The following SEC14L4 variants were observed in gnomAD, a reference collection of about 807,000 sequenced individuals.
The protein encoded by SEC14L4 is SEC14-like protein 4.
A neutral mutation model predicts 55.1 loss-of-function variants in SEC14L4; 42 were observed. The observed-to-expected ratio is 0.76, with a 90% CI of 0.60 to 0.99. SEC14L4 has a LOEUF of 0.99. Among genes scored for constraint, SEC14L4 ranks in the 50% least tolerant of loss-of-function variants. The probability of loss-of-function intolerance (pLI) is 0.00; values close to 1 mark genes in which losing one functional copy is unlikely to be tolerated. For missense variants in SEC14L4, 445 were observed against 512.1 expected, an observed-to-expected ratio of 0.87 and a Z score of 1.27; for synonymous variants, 206 against 206.8, an observed-to-expected ratio of 1.00 and a Z score of 0.03.
chr22:30,494,784 G>A (rs1936083378), intron 6 of SEC14L4, 82 bp downstream of exon 6: 1 of 917,418 alleles, frequency 1.1e-6, no homozygotes, highest in Non-Finnish European at 1.8e-6. Flanking sequence ...CTATCTCACT[G>A]GATTCTCACA....
At position 30,489,519 on chromosome 22, in the gene SEC14L4, C is replaced by T. The variant is rs1413035150; in HGVS notation, c.*588G>A. The T allele has an allele frequency of 1.5e-5, 6 of 394,884 alleles. No homozygotes were observed. The highest frequency in any genetic ancestry group is 6.9e-5 in the South Asian group (2 of 29,068). 24.5% of individuals were successfully genotyped at this position (394,884 alleles called of 1,614,324 possible). A position where few individuals can be genotyped will look rare whatever the true frequency, so the allele number is the denominator to read the frequency against. On this transcript the variant is annotated 3_prime_UTR_variant, in exon 12 of 12. Transcript: ENST00000255858. ...CCTCCCAAACTGCTGGGATTATAGG[C>T]GTGAGCCACCACGCCCAGTCCATTT...
chr22:30,503,919 C>T (rs572833460), intron 1 of SEC14L4, among the ~76,000 whole-genome samples, 167 bp from the exon 2 acceptor site: 1 of 152,124 alleles, frequency 6.6e-6, no homozygotes, highest in African/African-American at 2.4e-5. Context: ...CCCTCCAGCC[C>T]AACATAGGAA....
chr22:30,491,092 C>T (rs539331084), intron 11 of SEC14L4, among the ~76,000 whole-genome samples: 1 of 152,368 alleles, frequency 6.6e-6, no homozygotes, highest in South Asian at 2.1e-4. Context: ...CTTCTCCTAG[C>T]TCTGTTCCCA....
intron 11 of SEC14L4, 164 bp downstream of exon 11, chr22:30,491,409 C>A (rs1713662110): frequency 1.4e-6 from 1 of 724,302 alleles, no homozygotes. Flanking sequence ...TGAATCTCTG[C>A]CCTCATACCT....
chr22:30,503,741 G>T lies in SEC14L4; in HGVS notation c.66C>A (p.Asn22Lys). Residue 22 changes from asparagine to lysine, a missense_variant, in exon 2 of 12, where the codon AAC becomes AAA. Coordinates refer to ENST00000255858, the MANE Select transcript of SEC14L4 (RefSeq NM_174977.4). ...GCAGTATGGGCAGCAGGTCCTGGAG[G>T]TTCTCCCGGAACTGAGCGGAGGAGG... ...QQEALARFRE[N>K]LQDLLPILPN... The T allele has an allele frequency of 6.2e-7, 1 of 1,612,016 alleles. No individual in the cohort carries two copies. Among genetic ancestry groups the T allele is most frequent in the Non-Finnish European group, 8.5e-7 (1 of 1,178,694 alleles).
At position 30,492,576 on chromosome 22, in the gene SEC14L4, T is replaced by A; in HGVS notation, c.581-19A>T. On this transcript the variant is annotated intron_variant, in intron 7 of 11. Transcript: ENST00000255858. ...TTTGGGGCTGAAACACATGTAAATCTCTTGAGAAGCTGGACCAGAAAGGAC... is the reference window on the plus strand; with the variant it reads ...TTTGGGGCTGAAACACATGTAAATCACTTGAGAAGCTGGACCAGAAAGGAC... 1 of 1,600,946 alleles carries A rather than the reference T, an allele frequency of 6.2e-7. No individual in the cohort carries two copies. Among genetic ancestry groups the A allele is most frequent in the Non-Finnish European group, 8.6e-7 (1 of 1,167,900 alleles).
At position 30,490,170 on chromosome 22, in the gene SEC14L4, G is replaced by C; in HGVS notation, c.1158C>G (p.Pro386=). The C allele has an allele frequency of 3.1e-6, 5 of 1,614,126 alleles. No individual in the cohort carries two copies. The highest frequency in any genetic ancestry group is 4.2e-6 in the Non-Finnish European group (5 of 1,180,014). ...KLSYTVEVLL[P]DKASEETLQS... The stretch of plus-strand genomic sequence containing the variant: ...GCAGCGTCTCCTCAGAGGCCTTGTC[G>C]GGAAGCAGCACCTCCACAGTGTAGC... Residue 386 remains proline (P), a synonymous_variant, in exon 12 of 12, where the codon CCC becomes CCG. Coordinates refer to ENST00000255858, the MANE Select transcript of SEC14L4 (RefSeq NM_174977.4).
At position 30,494,980 on chromosome 22, in the gene SEC14L4, T is replaced by C; in HGVS notation, c.424-19A>G. On this transcript the variant is annotated intron_variant, in intron 5 of 11. Transcript: ENST00000255858. Reference sequence around the variant, plus strand: ...TGCCCAGCTGCTTGGGACAGAGTCATATAGGTCAGACGACAGCTCCAGCCA... The same window carrying C: ...TGCCCAGCTGCTTGGGACAGAGTCACATAGGTCAGACGACAGCTCCAGCCA... 1.2e-6 allele frequency: 2 copies of C among 1,607,094 alleles called. No individual in the cohort carries two copies. Among genetic ancestry groups the C allele is most frequent in the African/African-American group, 1.3e-5 (1 of 74,804 alleles).
chr22:30,505,660 C>G lies in SEC14L4; in HGVS notation c.-49G>C. The G allele has an allele frequency of 1.3e-6, 2 of 1,499,084 alleles. No homozygotes were observed. The highest frequency in any genetic ancestry group is 2.5e-5 in the South Asian group (2 of 79,558). 92.9% of individuals were successfully genotyped at this position (1,499,084 alleles called of 1,614,324 possible). A position where few individuals can be genotyped will look rare whatever the true frequency, so the allele number is the denominator to read the frequency against. Reference sequence around the variant, plus strand: ...TCAGGGCGCAGGTCCGCCCGCCCGCCGCCGCCTGGCCTTGTATCCGCTGCC... The same window carrying G: ...TCAGGGCGCAGGTCCGCCCGCCCGCGGCCGCCTGGCCTTGTATCCGCTGCC... On this transcript the variant is annotated 5_prime_UTR_variant, in exon 1 of 12. Coordinates refer to ENST00000255858, the MANE Select transcript of SEC14L4 (RefSeq NM_174977.4).
intron 7 of SEC14L4, 79 bp downstream of exon 7, chr22:30,494,070 CT>C: frequency 9.1e-7 from 1 of 1,095,422 alleles, no homozygotes; most frequent in Non-Finnish European, 1.4e-6. Flanking sequence ...GTGAAGAAGC[CT>C]TTAACTCCAT....
intron 1 of SEC14L4, among the ~76,000 whole-genome samples, chr22:30,504,638 A>AT (rs1412599511): frequency 6.6e-6 from 1 of 152,168 alleles, no homozygotes. Flanking sequence ...GCCCCGGACA[A>AT]TGGAGGCTTT....
intron 2 of SEC14L4, among the ~76,000 whole-genome samples, chr22:30,497,177 A>G (rs1378304830): frequency 6.6e-6 from 1 of 152,106 alleles, no homozygotes; most frequent in Non-Finnish European, 1.5e-5. Flanking sequence ...CGTCTCTACT[A>G]AAAATACAAA....
chr22:30,491,532 C>T, intron 11 of SEC14L4, 41 bp downstream of exon 11: 1 of 1,611,394 alleles, frequency 6.2e-7, no homozygotes, highest in Non-Finnish European at 8.5e-7. Flanking sequence ...AGAGGGGAGA[C>T]TGGCAGGGAA....
intron 1 of SEC14L4, among the ~76,000 whole-genome samples, chr22:30,504,130 T>G (rs1437707173): frequency 6.6e-6 from 1 of 151,924 alleles, no homozygotes; most frequent in Non-Finnish European, 1.5e-5. Context: ...TGATCTTGGC[T>G]CACTGCAACC....
At chr22:30,502,806 C>A (rs987113304) in intron 2 of SEC14L4, among the ~76,000 whole-genome samples, 2 of 152,202 alleles carry the variant, frequency 1.3e-5, no homozygotes, top group African/African-American at 4.8e-5. Context: ...CTGCCTCAGC[C>A]TCCCAAAGCA....
intron 2 of SEC14L4, among the ~76,000 whole-genome samples, chr22:30,497,340 AAAC>A (rs561503509): frequency 0.012 from 1,741 of 151,242 alleles, 30 homozygotes; most frequent in African/African-American, 0.039. Context: ...ACTTCATCTC[AAAC>A]AACAACAACA....
At chr22:30,503,258 T>C (rs1015745501) in intron 2 of SEC14L4, among the ~76,000 whole-genome samples, 1 of 151,136 alleles carries the variant, frequency 6.6e-6, no homozygotes, top group Non-Finnish European at 1.5e-5. Context: ...CCTGTGTTTT[T>C]TGTTTTTTTG....
chr22:30,492,096 C>G lies in SEC14L4; in HGVS notation c.724G>C (p.Gly242Arg), dbSNP rs1274767410. 1 of 1,613,930 alleles carries G rather than the reference C, an allele frequency of 6.2e-7. No individual in the cohort carries two copies. Among genetic ancestry groups the G allele is most frequent in the South Asian group, 1.1e-5 (1 of 91,058 alleles). ...CCATCGGGGTCAGTCATGGTCCCCC[C>G]AAACTCCACAGGCAGCTGGTCGGGG... ...ISPDQLPVEFGGTMTDPDGNP... is the reference protein window; with the variant it reads ...ISPDQLPVEFRGTMTDPDGNP... Residue 242 changes from glycine to arginine, a missense_variant, in exon 9 of 12, where the codon GGG becomes CGG. Physicochemically the swap from Gly to Arg is moderately radical, Grantham distance 125. Transcript: ENST00000255858.
At position 30,495,416 on chromosome 22, in the gene SEC14L4, A is replaced by C. The variant is rs777818809; in HGVS notation, c.261T>G (p.Gly87=). 81 of 1,613,676 alleles carry C rather than the reference A, an allele frequency of 5.0e-5. No homozygotes were observed. The highest frequency in any genetic ancestry group is 3.3e-4 in the Middle Eastern group (2 of 6,082). ...AGCCTTCGTAGTCGTAGCCACAAAG[A>C]CCACCCGAGTCATACAGCTGGATGA... The part of the protein sequence containing the change: ...PEVIQLYDSG[G]LCGYDYEGCP... The change falls in exon 5 of 12, where the codon GGT becomes GGG. Residue 87 remains glycine (G), a synonymous_variant. Coordinates refer to ENST00000255858, the MANE Select transcript of SEC14L4 (RefSeq NM_174977.4).
Sources: gnomAD v4.1 joint callset for allele counts (sites outside exome capture counted in the v4.1 genomes callset) on GRCh38, gnomAD v4.1.1 for gene constraint, MANE v1.5 for transcripts, NCBI Gene and HGNC (gene_info 2026-07-23, HGNC 2026-07-21) for gene names.